WWOX: variants seen among roughly 807,000 people sequenced by gnomAD.
WWOX encodes WW domain-containing oxidoreductase.
Under a neutral mutation model 46.2 loss-of-function variants are expected in WWOX, and 69 were observed. The ratio of observed to expected loss-of-function variants is 1.49; its 90% CI spans 1.23 to 1.82. The LOEUF is 1.82. Among genes scored for constraint, WWOX ranks in the 40% most tolerant of loss-of-function variants. The pLI, the probability that WWOX is intolerant of heterozygous loss-of-function variation, is 0.00. For synonymous variants in WWOX, 359 were observed against 202.6 expected, an observed-to-expected ratio of 1.77 and a Z score of -6.56; for missense variants, 919 against 542.6, an observed-to-expected ratio of 1.69 and a Z score of -6.89.
intron 5 of WWOX, among the ~76,000 whole-genome samples, chr16:78,364,346 C>G (rs1185066935): frequency 2.6e-5 from 4 of 152,136 alleles, no homozygotes; most frequent in African/African-American, 9.7e-5. Context: ...AAGGCTGTAT[C>G]TAATTACAAG....
At chr16:78,755,608 G>C (rs1255580604) in intron 8 of WWOX, among the ~76,000 whole-genome samples, 1 of 152,104 alleles carries the variant, frequency 6.6e-6, no homozygotes, top group African/African-American at 2.4e-5. Flanking sequence ...ACACCCACTG[G>C]GATTCCTGTG....
At chr16:78,542,438 G>A (rs1184947090) in intron 8 of WWOX, among the ~76,000 whole-genome samples, 2 of 152,148 alleles carry the variant, frequency 1.3e-5, no homozygotes, top group Non-Finnish European at 2.9e-5. Flanking sequence ...CCCCCAGTTT[G>A]CGTTTGAATT....
chr16:78,697,705 T>C (rs1567498680), intron 8 of WWOX, among the ~76,000 whole-genome samples: 1 of 152,196 alleles, frequency 6.6e-6, no homozygotes, highest in African/African-American at 2.4e-5. Context: ...TGAACACATT[T>C]AAGGTAGGCT....
chr16:78,633,204 G>C (rs1415662409), intron 8 of WWOX, among the ~76,000 whole-genome samples: 2 of 152,208 alleles, frequency 1.3e-5, no homozygotes, highest in Admixed American at 6.5e-5. Flanking sequence ...AGAGGTTGCA[G>C]TGAGCTGAGA....
At chr16:79,166,749 C>A (rs576863377) in intron 8 of WWOX, among the ~76,000 whole-genome samples, 3 of 152,180 alleles carry the variant, frequency 2.0e-5, no homozygotes, top group African/African-American at 4.8e-5. Context: ...TTATTCATTA[C>A]AATGAAGCTC....
At chr16:78,741,539 C>G (rs1009511563) in intron 8 of WWOX, among the ~76,000 whole-genome samples, 1 of 151,668 alleles carries the variant, frequency 6.6e-6, no homozygotes, top group Non-Finnish European at 1.5e-5. Flanking sequence ...GCCTGGGCGA[C>G]AGAGTGAGAC....
chr16:78,182,593 G>A lies in WWOX; in HGVS notation c.516+18304G>A, dbSNP rs534851687. On this transcript the variant is annotated intron_variant, in intron 5 of 8. Transcript: ENST00000566780. ...CCTTCCTTCTTTTGTTCAGCACATC[G>A]CTGTCAACCTTCTTCTCTGGGTCAG... 1.3e-4 allele frequency among the ~76,000 whole-genome samples: 19 copies of A among 151,782 alleles called. 1 individual carries two copies. Among genetic ancestry groups the A allele is most frequent in the South Asian group, 1.0e-3 (5 of 4,804 alleles).
In WWOX at chr16:78,379,186, A is replaced by C. The variant is rs2081897565; in HGVS notation, c.517-7674A>C. 3.3e-5 allele frequency among the ~76,000 whole-genome samples: 5 copies of C among 152,256 alleles called. No individual in the cohort carries two copies. The South Asian group carries it at 1.0e-3, about 31-fold the overall frequency. On this transcript the variant is annotated intron_variant, in intron 5 of 8. Transcript: ENST00000566780. ...TATTATTTTTGTTGCTTTTATGATC[A>C]ATAAATACATGCAAATTAGAGCTTT...
chr16:78,544,256 A>G (rs1046852810), intron 8 of WWOX, among the ~76,000 whole-genome samples: 3 of 152,236 alleles, frequency 2.0e-5, no homozygotes, highest in Non-Finnish European at 4.4e-5. Flanking sequence ...AAAACAGTAG[A>G]TGTCTTTCAC....
intron 8 of WWOX, among the ~76,000 whole-genome samples, chr16:78,844,715 A>T (rs1055613260): frequency 2.0e-5 from 3 of 152,222 alleles, no homozygotes; most frequent in African/African-American, 7.2e-5. Context: ...AAGCTGGGCA[A>T]CTGTCTGCCT....
At chr16:79,201,346 T>A (rs1049017310) in intron 8 of WWOX, among the ~76,000 whole-genome samples, 2 of 124,898 alleles carry the variant, frequency 1.6e-5, no homozygotes, top group African/African-American at 7.0e-5. Context: ...TTCTTTTCTT[T>A]TTTTTTTTTT....
chr16:78,313,973 G>C (rs1023898834), intron 5 of WWOX, among the ~76,000 whole-genome samples: 11 of 152,158 alleles, frequency 7.2e-5, no homozygotes, highest in African/African-American at 2.2e-4. Context: ...AGACCAGGTC[G>C]AGTCGAAATC....
intron 8 of WWOX, among the ~76,000 whole-genome samples, chr16:79,169,293 T>C (rs1116525): frequency 0.49 from 74,830 of 151,960 alleles, 19,263 homozygotes; most frequent in East Asian, 0.84. Flanking sequence ...TGTGATGTGT[T>C]AGAAAGCACA....
At chr16:78,795,465 C>T (rs190244477) in intron 8 of WWOX, among the ~76,000 whole-genome samples, 3 of 151,504 alleles carry the variant, frequency 2.0e-5, no homozygotes, top group Admixed American at 1.3e-4. Flanking sequence ...TCTTCAACCT[C>T]CATCTAGATG....
chr16:79,042,213 C>A (rs74549820), intron 8 of WWOX, among the ~76,000 whole-genome samples: 5,554 of 152,146 alleles, frequency 0.037, 137 homozygotes, highest in South Asian at 0.058. Context: ...GAAACTCTGT[C>A]CATGAACTCC....
At chr16:78,697,414 T>C (rs957881466) in intron 8 of WWOX, among the ~76,000 whole-genome samples, 1 of 152,132 alleles carries the variant, frequency 6.6e-6, no homozygotes, top group African/African-American at 2.4e-5. Flanking sequence ...GGGACTTAAT[T>C]AAACTAATCA....
chr16:79,163,493 A>G (rs1471139717), intron 8 of WWOX, among the ~76,000 whole-genome samples: 1 of 152,162 alleles, frequency 6.6e-6, no homozygotes, highest in Non-Finnish European at 1.5e-5. Flanking sequence ...TAATCAATGC[A>G]TATTCATCAT....
intron 8 of WWOX, among the ~76,000 whole-genome samples, chr16:78,472,024 G>C (rs1482188722): frequency 6.6e-6 from 1 of 152,094 alleles, no homozygotes; most frequent in Non-Finnish European, 1.5e-5. Context: ...ACATTCCTTT[G>C]ATTATTCTGG....
chr16:78,669,004 A>C (rs949750514), intron 8 of WWOX, among the ~76,000 whole-genome samples: 1 of 152,200 alleles, frequency 6.6e-6, no homozygotes, highest in African/African-American at 2.4e-5. Context: ...AGTAGTTTTG[A>C]GGTTGACCTT....
Sources: allele counts gnomAD v4.1 joint callset (sites outside exome capture counted in the v4.1 genomes callset), GRCh38; gene constraint gnomAD v4.1.1; transcripts MANE v1.5; gene names NCBI Gene and HGNC (gene_info 2026-07-23, HGNC 2026-07-21).